Variants in PRTG observed in about 807,000 individuals in gnomAD.
PRTG encodes the protein immunoglobulin superfamily, DCC subclass, member 5.
A neutral mutation model predicts 122.5 loss-of-function variants in PRTG; 67 were observed. The ratio of observed to expected loss-of-function variants is 0.55; its 90% confidence interval spans 0.45 to 0.67. The LOEUF (loss-of-function observed/expected upper bound fraction) is 0.67, where lower values mean the gene tolerates loss of function less well. Ranked by LOEUF, PRTG falls within the 30% of genes least tolerant of loss-of-function variation. The pLI, the probability that PRTG is intolerant of heterozygous loss-of-function variation, is 0.00. For synonymous variants in PRTG, 554 were observed against 501.1 expected (o/e 1.11, Z -1.41); for missense variants, 1,435 against 1,415.4 (o/e 1.01, Z -0.22).
chr15:55,621,354 A>AAAAAC (rs990153907), intron 18 of PRTG, among the ~76,000 whole-genome samples: 1 of 151,702 alleles, frequency 6.6e-6, no homozygotes, highest in Non-Finnish European at 1.5e-5. Context: ...CCGTCTCAAA[A>AAAAAC]AAAACAAAAC....
intron 8 of PRTG, among the ~76,000 whole-genome samples, chr15:55,676,336 G>T (rs1375326752): frequency 2.0e-5 from 3 of 152,036 alleles, no homozygotes; most frequent in Non-Finnish European, 4.4e-5. Flanking sequence ...ACAAGGTATA[G>T]AAGAGGATTT....
rs777325564 is a variant in PRTG at position 55,624,486 on chromosome 15, C to T, written c.2949G>A (p.Thr983=). 20 of 1,611,686 alleles carry T rather than the reference C, an allele frequency of 1.2e-5. No individual in the cohort carries two copies. In the East Asian group the frequency reaches 2.5e-4, roughly 20 times the overall value. ...GTAACTGTTGAGTTCCATTCTGTGC[C>T]GTCTTGGAAGCAGATGATTTCCTAA... ...SKARKSSASK[T]AQNGTQQLPR... Residue 983 remains threonine (T), a synonymous_variant, in exon 18 of 20, where the codon ACG becomes ACA. Coordinates refer to ENST00000389286, the MANE Select transcript of PRTG (RefSeq NM_173814.6).
At chr15:55,649,456 T>G (rs1168978177) in intron 11 of PRTG, among the ~76,000 whole-genome samples, 1 of 151,862 alleles carries the variant, frequency 6.6e-6, no homozygotes, top group Admixed American at 6.6e-5. Context: ...AGGGCTTGAG[T>G]ACAACAACAA....
At chr15:55,709,145 C>CAAAAAAAAAAAAAA (rs3985769) in intron 2 of PRTG, among the ~76,000 whole-genome samples, 5 of 51,832 alleles carry the variant, frequency 9.6e-5, no homozygotes, top group South Asian at 8.8e-4. Context: ...GACTCTGTCT[C>CAAAAAAAAAAAAAA]AAAAAAAAAA....
At position 55,612,697 on chromosome 15, in the gene PRTG, A is replaced by AAC. The variant is rs2059125592; in HGVS notation, c.*7314_*7315insGT. ...TTCTCTCTTTAACTCTTTAAAAGCC[A>AAC]ATATATATATATATATATATATATA... On this transcript the variant is annotated 3_prime_UTR_variant, in exon 20 of 20. Transcript: ENST00000389286. 8.3e-6 allele frequency: 1 copy of AAC among 120,748 alleles called. No homozygotes were observed. Among genetic ancestry groups the AAC allele is most frequent in the African/African-American group, 4.7e-5 (1 of 21,352 alleles). The allele number at this position is 120,748 out of a possible 1,614,324, so 7.5% of individuals were successfully genotyped here. A position where few individuals can be genotyped will look rare whatever the true frequency, so the allele number is the denominator to read the frequency against.
At chr15:55,620,945 T>A (rs1363559013) in intron 18 of PRTG, among the ~76,000 whole-genome samples, 178 bp from the exon 19 acceptor site, 1 of 152,214 alleles carries the variant, frequency 6.6e-6, no homozygotes, top group Non-Finnish European at 1.5e-5. Flanking sequence ...GTACATATTG[T>A]GTGGTAGTGG....
Position 55,627,046 on chromosome 15 carries a change from G to A in PRTG, c.2889C>T (p.Leu963=). The A allele has an allele frequency of 6.2e-7, 1 of 1,612,436 alleles. No individual in the cohort carries two copies. The highest frequency in any genetic ancestry group is 8.5e-7 in the Non-Finnish European group (1 of 1,179,118). The change falls in exon 17 of 20, where the codon CTC becomes CTT. Residue 963 remains leucine (L), a synonymous_variant. Coordinates refer to ENST00000389286, the MANE Select transcript of PRTG (RefSeq NM_173814.6). ...VGVGIALTCI[L]ICVLILIYRS... The stretch of plus-strand genomic sequence containing the variant: ...GGTATATCAAGATGAGAACACAGAT[G>A]AGGATGCAGGTCAAGGCTATGCCAA...
chr15:55,725,121 A>G (rs1191542999), intron 2 of PRTG, among the ~76,000 whole-genome samples: 1 of 152,252 alleles, frequency 6.6e-6, no homozygotes, highest in Non-Finnish European at 1.5e-5. Context: ...ATCACTATCT[A>G]TACAAAACAT....
At chr15:55,674,484 G>A (rs2059491041) in intron 9 of PRTG, among the ~76,000 whole-genome samples, 1 of 152,160 alleles carries the variant, frequency 6.6e-6, no homozygotes, top group South Asian at 2.1e-4. Flanking sequence ...CCTTAGACAT[G>A]CATAACAGAG....
intron 2 of PRTG, among the ~76,000 whole-genome samples, chr15:55,709,030 C>T (rs998427948): frequency 2.7e-5 from 4 of 150,748 alleles, no homozygotes; most frequent in Non-Finnish European, 5.9e-5. Flanking sequence ...CATGTAGTCC[C>T]GGCTATTAGG....
At chr15:55,623,754 A>G (rs758519241) in intron 18 of PRTG, among the ~76,000 whole-genome samples, 4 of 152,224 alleles carry the variant, frequency 2.6e-5, no homozygotes, top group Non-Finnish European at 4.4e-5. Flanking sequence ...ATTGTTCACA[A>G]TGCTTACAAC....
intron 2 of PRTG, among the ~76,000 whole-genome samples, chr15:55,730,571 C>T (rs1009506106): frequency 3.9e-5 from 6 of 152,046 alleles, no homozygotes; most frequent in Non-Finnish European, 5.9e-5. Context: ...GAGGCCCAGG[C>T]GGGCGGATCA....
intron 5 of PRTG, 69 bp downstream of exon 5, chr15:55,680,422 T>A: frequency 6.9e-7 from 1 of 1,453,138 alleles, no homozygotes; most frequent in Non-Finnish European, 9.2e-7. Context: ...AATAAACATT[T>A]TATAAATTTC....
At chr15:55,637,462 C>T in intron 14 of PRTG, 122 bp from the exon 15 acceptor site, 1 of 697,296 alleles carries the variant, frequency 1.4e-6, no homozygotes, top group South Asian at 3.8e-5. Context: ...GAAATCACAG[C>T]TTTCAAAGAT....
At chr15:55,623,664 T>G (rs145832750) in intron 18 of PRTG, among the ~76,000 whole-genome samples, 22 of 152,240 alleles carry the variant, frequency 1.4e-4, no homozygotes, top group Non-Finnish European at 2.6e-4. Context: ...AACTGATTTA[T>G]AGCACATTGG....
At chr15:55,733,458 C>G (rs1428721580) in intron 2 of PRTG, among the ~76,000 whole-genome samples, 1 of 145,844 alleles carries the variant, frequency 6.9e-6, no homozygotes, top group Admixed American at 7.0e-5. Context: ...TGTGGTGAAC[C>G]AAGATCACAC....
At chr15:55,735,798 G>A (rs1254138125) in intron 2 of PRTG, among the ~76,000 whole-genome samples, 3 of 147,168 alleles carry the variant, frequency 2.0e-5, no homozygotes, top group Non-Finnish European at 4.5e-5. Context: ...AATGAGAAAT[G>A]ATCCTCACTA....
intron 2 of PRTG, among the ~76,000 whole-genome samples, chr15:55,736,538 T>C (rs910400173): frequency 1.3e-5 from 2 of 152,188 alleles, no homozygotes; most frequent in Non-Finnish European, 2.9e-5. Context: ...TCAAATTTCA[T>C]CTTAACTTAA....
At chr15:55,730,770 A>T (rs2031203532) in intron 2 of PRTG, among the ~76,000 whole-genome samples, 1 of 152,166 alleles carries the variant, frequency 6.6e-6, no homozygotes, top group African/African-American at 2.4e-5. Context: ...ACTGCACTCC[A>T]ACCTGGGCAA....
Sources: gnomAD v4.1 joint callset for allele counts (sites outside exome capture counted in the v4.1 genomes callset) on GRCh38, gnomAD v4.1.1 for gene constraint, MANE v1.5 for transcripts, NCBI Gene and HGNC (gene_info 2026-07-23, HGNC 2026-07-21) for gene names.